Variants in ARHGAP19 observed in about 807,000 individuals in gnomAD.
The protein encoded by ARHGAP19 is rho GTPase-activating protein 19.
In ARHGAP19, 48 loss-of-function variants were observed where a neutral mutation model predicts 60.9. The ratio of observed to expected loss-of-function variants is 0.79; its 90% confidence interval spans 0.62 to 1.00. The LOEUF (loss-of-function observed/expected upper bound fraction) is 1.00, where lower values mean the gene tolerates loss of function less well. ARHGAP19 is among the 50% of genes least tolerant of loss of function. The pLI is 0.00. For synonymous variants in ARHGAP19, 209 were observed against 215.5 expected, an observed-to-expected ratio of 0.97 and a Z score of 0.27; for missense variants, 562 against 597.2, an observed-to-expected ratio of 0.94 and a Z score of 0.61.
At chr10:97,289,409 T>C (rs867357355) in intron 1 of ARHGAP19, among the ~76,000 whole-genome samples, 3 of 152,144 alleles carry the variant, frequency 2.0e-5, no homozygotes, top group African/African-American at 4.8e-5. Flanking sequence ...CCATCGCACC[T>C]GGCCCACTTC....
At chr10:97,248,153 C>T (rs1842589658) in intron 6 of ARHGAP19, among the ~76,000 whole-genome samples, 1 of 151,922 alleles carries the variant, frequency 6.6e-6, no homozygotes, top group Admixed American at 6.6e-5. Flanking sequence ...TTTGTAGAGA[C>T]GGGGTTTCAC....
chr10:97,284,174 G>A (rs1052427342), intron 1 of ARHGAP19, among the ~76,000 whole-genome samples: 5 of 152,106 alleles, frequency 3.3e-5, no homozygotes, highest in Non-Finnish European at 5.9e-5. Flanking sequence ...CCAAGCTGGA[G>A]TACAGTGGTG....
intron 6 of ARHGAP19, among the ~76,000 whole-genome samples, chr10:97,249,527 C>G (rs550582350): frequency 1.3e-5 from 2 of 152,242 alleles, no homozygotes; most frequent in South Asian, 4.1e-4. Flanking sequence ...AGTTAAATAA[C>G]TTGAGAAAAC....
Position 97,230,054 on chromosome 10 carries a change from C to T in ARHGAP19, c.1285-180G>A, listed in dbSNP as rs564558737. Among the ~76,000 whole-genome samples the T allele has an allele frequency of 9.9e-5, 15 of 152,214 alleles. No individual in the cohort carries two copies. The South Asian group carries it at 3.1e-3, about 32-fold the overall frequency. On this transcript the variant is annotated intron_variant, in intron 9 of 11. Transcript: ENST00000358531. The stretch of plus-strand genomic sequence containing the variant: ...AGGCCAAAGCATGTTACCAAAAAAA[C>T]CCAAAATCATTACTTTTGTTTAAGT...
intron 8 of ARHGAP19, among the ~76,000 whole-genome samples, chr10:97,243,586 C>T (rs1339234036): frequency 1.3e-5 from 2 of 152,216 alleles, no homozygotes; most frequent in East Asian, 1.9e-4. Context: ...ATTTTTACAA[C>T]TTTGAAACAT....
chr10:97,285,274 C>T (rs931496716), intron 1 of ARHGAP19, among the ~76,000 whole-genome samples: 8 of 152,062 alleles, frequency 5.3e-5, no homozygotes, highest in African/African-American at 1.9e-4. Context: ...ATTAACTACA[C>T]ACTTAATAGG....
At chr10:97,291,226 T>C (rs1468342178) in intron 1 of ARHGAP19, among the ~76,000 whole-genome samples, 1 of 152,212 alleles carries the variant, frequency 6.6e-6, no homozygotes, top group Non-Finnish European at 1.5e-5. Context: ...GTGGGAGCTG[T>C]GTTTTCACTC....
chr10:97,285,904 CA>C (rs1362433600), intron 1 of ARHGAP19, among the ~76,000 whole-genome samples: 3 of 152,178 alleles, frequency 2.0e-5, no homozygotes, highest in Non-Finnish European at 2.9e-5. Context: ...TTGTTCTGAC[CA>C]AAGTAAACTT....
intron 1 of ARHGAP19, among the ~76,000 whole-genome samples, chr10:97,273,003 G>C (rs1219032051): frequency 1.3e-5 from 2 of 151,908 alleles, no homozygotes; most frequent in Non-Finnish European, 2.9e-5. Context: ...ACCACGCCTG[G>C]CTAATTTTTT....
chr10:97,256,869 C>A (rs960598484), intron 5 of ARHGAP19, among the ~76,000 whole-genome samples: 10 of 151,486 alleles, frequency 6.6e-5, no homozygotes, highest in African/African-American at 2.5e-4. Flanking sequence ...TGCCTGTAAT[C>A]CCAGCACTTT....
In ARHGAP19 at chr10:97,282,594, C is replaced by T. The variant is rs879404204; in HGVS notation, c.56+9978G>A. Among the ~76,000 whole-genome samples, 11 of 152,244 alleles carry T rather than the reference C, an allele frequency of 7.2e-5. No individual in the cohort carries two copies. The East Asian group carries it at 1.7e-3, about 24-fold the overall frequency. Reference sequence around the variant, plus strand: ...ATCTGAGCCCTCCCTTCTGTATCTTCCCCTTCAGAGCAATGGCTGCCAATC... The same window carrying T: ...ATCTGAGCCCTCCCTTCTGTATCTTTCCCTTCAGAGCAATGGCTGCCAATC... On this transcript the variant is annotated intron_variant, in intron 1 of 11. Transcript: ENST00000358531.
chr10:97,291,500 G>A (rs1291822595), intron 1 of ARHGAP19, among the ~76,000 whole-genome samples: 3 of 152,002 alleles, frequency 2.0e-5, no homozygotes, highest in East Asian at 1.9e-4. Context: ...CATCATGTTC[G>A]CCAGGCTGGT....
intron 9 of ARHGAP19, among the ~76,000 whole-genome samples, chr10:97,230,436 C>T (rs1850986550): frequency 6.6e-6 from 1 of 152,184 alleles, no homozygotes; most frequent in African/African-American, 2.4e-5. Context: ...GGTCACATGA[C>T]TGTACTGACA....
Position 97,229,805 on chromosome 10 carries a change from T to G in ARHGAP19, c.1354A>C (p.Ile452Leu). 1 of 1,613,164 alleles carries G rather than the reference T, an allele frequency of 6.2e-7. No individual in the cohort carries two copies. The highest frequency in any genetic ancestry group is 8.5e-7 in the Non-Finnish European group (1 of 1,179,438). Residue 452 changes from isoleucine to leucine, a missense_variant, in exon 10 of 12, where the codon ATT becomes CTT. Transcript: ENST00000358531. ...TTGCTGGTTCCCTTCAATTCACCAA[T>G]GGCCACAGATTCTGGAGTAGGGTTC... ...KKNPTPESVA[I>L]GELKGTSKEN...
chr10:97,265,915 G>A lies in ARHGAP19; in HGVS notation c.267C>T (p.Gly89=), dbSNP rs769370762. 6.8e-6 allele frequency: 11 copies of A among 1,614,072 alleles called. No individual in the cohort carries two copies. The highest frequency in any genetic ancestry group is 1.6e-4 in the Middle Eastern group (1 of 6,062). The change falls in exon 2 of 12, where the codon GGC becomes GGT. Residue 89 remains glycine, a synonymous_variant. Transcript: ENST00000358531. ...LMGEVDLKLP[G]GAGPASGFFR... Reference sequence around the variant, plus strand: ...AGAATCCTGATGCTGGGCCAGCCCCGCCAGGCAACTTAAGGTCCACTTCCC... The same window carrying A: ...AGAATCCTGATGCTGGGCCAGCCCCACCAGGCAACTTAAGGTCCACTTCCC...
At chr10:97,239,693 T>C (rs533731187) in intron 8 of ARHGAP19, among the ~76,000 whole-genome samples, 1 of 151,614 alleles carries the variant, frequency 6.6e-6, no homozygotes, top group East Asian at 1.9e-4. Context: ...TGTTAGTAAG[T>C]AATGTACCAA....
intron 9 of ARHGAP19, among the ~76,000 whole-genome samples, chr10:97,231,954 T>TC (rs1038346267): frequency 5.3e-5 from 8 of 150,602 alleles, no homozygotes; most frequent in African/African-American, 1.7e-4. Flanking sequence ...CTCCACATCC[T>TC]CATCAACATT....
chr10:97,251,328 GA>G (rs1224004529), intron 6 of ARHGAP19, among the ~76,000 whole-genome samples: 7 of 30,196 alleles, frequency 2.3e-4, no homozygotes, highest in African/African-American at 2.8e-4. Context: ...AAGGGAAGGG[GA>G]AAGGGAAAGG....
At chr10:97,258,856 T>C (rs1481893176) in intron 5 of ARHGAP19, 1 of 152,196 alleles carries the variant, frequency 6.6e-6, no homozygotes, top group East Asian at 1.9e-4. Flanking sequence ...TTATTTCTCT[T>C]GTAAGTCACT....
Sources: gnomAD v4.1 joint callset for allele counts (sites outside exome capture counted in the v4.1 genomes callset) on GRCh38, gnomAD v4.1.1 for gene constraint, MANE v1.5 for transcripts, NCBI Gene and HGNC (gene_info 2026-07-23, HGNC 2026-07-21) for gene names.